The following OTOGL variants were observed in gnomAD, a reference collection of about 807,000 sequenced individuals.
OTOGL encodes otogelin like.
OTOGL carries 285 observed loss-of-function variants against 318.5 expected under a neutral mutation model. That is an observed-to-expected ratio of 0.89 (90% CI 0.81 to 0.99). The LOEUF is 0.99. Ranked by LOEUF, OTOGL falls within the 50% of genes least tolerant of loss-of-function variation. The pLI, the probability that OTOGL is intolerant of heterozygous loss-of-function variation, is 0.00. For missense variants in OTOGL, 2,899 were observed against 2,845.6 expected (o/e 1.02, Z -0.43); for synonymous variants, 987 against 936.5 (o/e 1.05, Z -0.99).
chr12:80,112,705 C>CTTTTTTT (rs546093754), intron 1 of OTOGL, among the ~76,000 whole-genome samples: 107 of 128,590 alleles, frequency 8.3e-4, no homozygotes, highest in Middle Eastern at 4.2e-3. Context: ...CTGAAATTTT[C>CTTTTTTT]TTTCTTTTTT....
chr12:80,322,758 A>T (rs1278775418), intron 34 of OTOGL, among the ~76,000 whole-genome samples: 1 of 152,176 alleles, frequency 6.6e-6, no homozygotes, highest in Non-Finnish European at 1.5e-5. Context: ...AACTGTATGC[A>T]TGTATTTTTC....
In OTOGL at chr12:80,233,068, T is replaced by C. The variant is rs1288864290; in HGVS notation, c.788T>C (p.Ile263Thr). 5 of 1,596,484 alleles carry C rather than the reference T, an allele frequency of 3.1e-6. No individual in the cohort carries two copies. The highest frequency in any genetic ancestry group is 1.7e-6 in the Non-Finnish European group (2 of 1,177,122). The stretch of plus-strand genomic sequence containing the variant: ...GGCCTATGTGGAAACTACAATGACA[T>C]TCAATCTGATGATTTCATAATTCTG... ...SCGLCGNYNDIQSDDFIILQE... is the reference protein window; with the variant it reads ...SCGLCGNYNDTQSDDFIILQE... Residue 263 changes from isoleucine to threonine, a missense_variant, in exon 9 of 59, where the codon ATT becomes ACT. Physicochemically the swap from Ile to Thr is moderately conservative, Grantham distance 89 (BLOSUM62 -1). Transcript: ENST00000547103.
Position 80,336,018 on chromosome 12 carries a change from A to G in OTOGL, c.4478A>G (p.Glu1493Gly). The G allele has an allele frequency of 6.3e-7, 1 of 1,598,628 alleles. No individual in the cohort carries two copies. Among genetic ancestry groups the G allele is most frequent in the Non-Finnish European group, 8.5e-7 (1 of 1,179,256 alleles). ...DCSQYICLNM[E>G]WQLYNWSLNC... ...AGCCAATACATATGCCTTAATATGG[A>G]ATGGCAGTTATACAACTGGTCCCTT... is the stretch of plus-strand genomic sequence containing the variant. Residue 1493 changes from glutamate to glycine, a missense_variant, in exon 39 of 59, where the codon GAA (glutamate) becomes GGA (glycine). Transcript: ENST00000547103.
At position 80,251,804 on chromosome 12, in the gene OTOGL, GT is replaced by G. The variant is rs1325531572; in HGVS notation, c.1159+12del. On this transcript the variant is annotated splice_donor_region_variant and intron_variant, in intron 12 of 58. Transcript: ENST00000547103. ...GAGATGACTTTCCAGCATGCAGTAT[GT>G]TTTTTTATTTTCCAAGCCCTGTGTA... is the stretch of plus-strand genomic sequence containing the variant. 1 of 1,559,632 alleles carries G rather than the reference GT, an allele frequency of 6.4e-7. No individual in the cohort carries two copies. The highest frequency in any genetic ancestry group is 8.7e-7 in the Non-Finnish European group (1 of 1,149,916).
In OTOGL at chr12:80,232,970, C is replaced by G. The variant is rs752921021; in HGVS notation, c.690C>G (p.Gly230=). The change falls in exon 9 of 59, where the codon GGC becomes GGG. Residue 230 remains glycine, a synonymous_variant. Coordinates refer to ENST00000547103, the MANE Select transcript of OTOGL (RefSeq NM_001378609.3). ...ACATTCTTGTGAAAACAACCTTTGG[C>G]TTTTCATTGGCTTGGGACGGGATAT... ...ADYILVKTTF[G]FSLAWDGISG... 8 of 1,598,996 alleles carry G rather than the reference C, an allele frequency of 5.0e-6. No individual in the cohort carries two copies. Among genetic ancestry groups the G allele is most frequent in the Non-Finnish European group, 6.8e-6 (8 of 1,179,442 alleles).
chr12:80,169,863 G>A (rs958484843), intron 1 of OTOGL, among the ~76,000 whole-genome samples: 4 of 152,148 alleles, frequency 2.6e-5, no homozygotes, highest in African/African-American at 9.7e-5. Context: ...TGTAATTGCT[G>A]AGTAGTATTC....
chr12:80,284,394 A>G (rs2137648071), intron 26 of OTOGL, among the ~76,000 whole-genome samples: 1 of 152,296 alleles, frequency 6.6e-6, no homozygotes, highest in South Asian at 2.1e-4. Flanking sequence ...GTATATACTC[A>G]GTAATGAGAT....
intron 8 of OTOGL, among the ~76,000 whole-genome samples, chr12:80,230,983 T>C (rs1879311109): frequency 6.6e-6 from 1 of 152,226 alleles, no homozygotes; most frequent in South Asian, 2.1e-4. Flanking sequence ...TTCTGTGTTA[T>C]AAACTTCAGG....
chr12:80,345,722 A>T lies in OTOGL; in HGVS notation c.5265+3560A>T, dbSNP rs143152147. Reference sequence around the variant, plus strand: ...TGACGAATTAAAAATACTATAAAAAAGTTTGAGAATAAGATAGAGATAATT... The same window carrying T: ...TGACGAATTAAAAATACTATAAAAATGTTTGAGAATAAGATAGAGATAATT... On this transcript the variant is annotated intron_variant, in intron 44 of 58. Transcript: ENST00000547103. Among the ~76,000 whole-genome samples the T allele has an allele frequency of 3.4e-3, 514 of 152,262 alleles. 2 individuals are homozygous for T. The highest frequency in any genetic ancestry group is 0.012 in the African/African-American group (484 of 41,546).
chr12:80,139,835 A>G (rs1871813122), intron 1 of OTOGL, among the ~76,000 whole-genome samples: 1 of 152,140 alleles, frequency 6.6e-6, no homozygotes, highest in Non-Finnish European at 1.5e-5. Flanking sequence ...ACTATCATAT[A>G]CGTGTTGATA....
intron 1 of OTOGL, among the ~76,000 whole-genome samples, chr12:80,153,463 G>T (rs1872917482): frequency 6.6e-6 from 1 of 152,094 alleles, no homozygotes. Flanking sequence ...TACCTTCTCT[G>T]TCTTCACTCA....
intron 1 of OTOGL, among the ~76,000 whole-genome samples, chr12:80,172,277 A>G (rs1874251798): frequency 7.0e-6 from 1 of 142,124 alleles, no homozygotes; most frequent in Non-Finnish European, 1.5e-5. Flanking sequence ...AGATCACCAT[A>G]ATAGGAAGTG....
chr12:80,363,548 G>C (rs1384137903), intron 52 of OTOGL, among the ~76,000 whole-genome samples: 1 of 152,032 alleles, frequency 6.6e-6, no homozygotes, highest in African/African-American at 2.4e-5. Flanking sequence ...TGGGAAGAGA[G>C]AGAGAAAGAG....
At chr12:80,274,970 C>T (rs1281995518) in intron 24 of OTOGL, among the ~76,000 whole-genome samples, 1 of 151,998 alleles carries the variant, frequency 6.6e-6, no homozygotes, top group Non-Finnish European at 1.5e-5. Flanking sequence ...TACCTATTGG[C>T]AGTGCACCTG....
At chr12:80,254,993 T>G (rs967281654) in intron 15 of OTOGL, 47 bp from the exon 16 acceptor site, 2 of 1,377,690 alleles carry the variant, frequency 1.5e-6, no homozygotes, top group African/African-American at 3.0e-5. Flanking sequence ...TCCTCCTCTA[T>G]CTCCACCTCC....
rs555445997 is a variant in OTOGL, at chr12:80,238,620, T to C, written c.818-231T>C. On this transcript the variant is annotated intron_variant, in intron 9 of 58. Transcript: ENST00000547103. The stretch of plus-strand genomic sequence containing the variant: ...CCTTCCCCATGTTGTTTGAATGCAG[T>C]TTGCTTTTTCTTTCCAATGGAACTA... Among the ~76,000 whole-genome samples the C allele has an allele frequency of 5.3e-5, 8 of 152,326 alleles. No individual in the cohort carries two copies. The South Asian group carries it at 1.7e-3, about 32-fold the overall frequency.
chr12:80,291,983 T>G (rs1885074347), intron 26 of OTOGL, among the ~76,000 whole-genome samples: 2 of 152,272 alleles, frequency 1.3e-5, no homozygotes, highest in South Asian at 4.1e-4. Flanking sequence ...TCTTTTCTTT[T>G]CTTTTTCTTT....
chr12:80,244,790 A>C (rs1487000386), intron 11 of OTOGL, among the ~76,000 whole-genome samples: 2 of 146,426 alleles, frequency 1.4e-5, no homozygotes. Flanking sequence ...CCAACAGTGT[A>C]AAAGTGTTCC....
chr12:80,210,964 C>G lies in OTOGL; in HGVS notation c.119+78C>G, dbSNP rs1877208634. 4 of 961,550 alleles carry G rather than the reference C, an allele frequency of 4.2e-6. No homozygotes were observed. The South Asian group carries it at 1.1e-4, about 27-fold the overall frequency. The allele number at this position is 961,550 out of a possible 1,614,324, so 59.6% of individuals were successfully genotyped here. A position where few individuals can be genotyped will look rare whatever the true frequency, so the allele number is the denominator to read the frequency against. On this transcript the variant is annotated intron_variant, in intron 3 of 58. Transcript: ENST00000547103. ...AGCAAACCTCAGCAGGCAACTATATCTGCTTTTGAAAAAAATAAGTGAAAT... is the reference window on the plus strand; with the variant it reads ...AGCAAACCTCAGCAGGCAACTATATGTGCTTTTGAAAAAAATAAGTGAAAT...
Sources: gnomAD v4.1 joint callset for allele counts (sites outside exome capture counted in the v4.1 genomes callset) on GRCh38, gnomAD v4.1.1 for gene constraint, MANE v1.5 for transcripts, NCBI Gene and HGNC (gene_info 2026-07-23, HGNC 2026-07-21) for gene names.